The following CPS1 variants were observed in gnomAD, a reference collection of about 807,000 sequenced individuals.
CPS1 encodes the protein carbamoyl-phosphate synthase 1.
In CPS1, 109 loss-of-function variants were observed where a neutral mutation model predicts 174.6. The ratio of observed to expected loss-of-function variants is 0.62; its 90% CI spans 0.53 to 0.73. CPS1 has a LOEUF of 0.73. CPS1 is among the 30% of genes least tolerant of loss of function. The probability of loss-of-function intolerance (pLI) is 0.00; values close to 1 mark genes in which losing one functional copy is unlikely to be tolerated. For missense variants in CPS1, 1,689 were observed against 1,821.9 expected (o/e 0.93, Z 1.33); for synonymous variants, 637 against 632.0 (o/e 1.01, Z -0.12).
chr2:210,504,561 A>G (rs1307621393), intron 1 of CPS1, among the ~76,000 whole-genome samples: 2 of 152,216 alleles, frequency 1.3e-5, no homozygotes, highest in East Asian at 1.9e-4. Flanking sequence ...TTGCTGAGCC[A>G]AGCTCTGATT....
At chr2:210,536,171 G>A (rs922871935) in intron 1 of CPS1, among the ~76,000 whole-genome samples, 8 of 152,054 alleles carry the variant, frequency 5.3e-5, no homozygotes, top group Non-Finnish European at 1.2e-4. Flanking sequence ...TTAAGTTCCT[G>A]CAAAATGACT....
chr2:210,655,615 C>T (rs918373783), intron 29 of CPS1, among the ~76,000 whole-genome samples: 2 of 152,086 alleles, frequency 1.3e-5, no homozygotes, highest in South Asian at 4.1e-4. Flanking sequence ...TGAGCTCTTA[C>T]TTATATGTGG....
Position 210,558,781 on chromosome 2 carries a change from A to G in CPS1, c.126+1922A>G, listed in dbSNP as rs547266033. Among the ~76,000 whole-genome samples, 5 of 152,066 alleles carry G rather than the reference A, an allele frequency of 3.3e-5. No individual in the cohort carries two copies. The East Asian group carries it at 9.7e-4, about 29-fold the overall frequency. ...ATCACAACCACGACAAAATGGTCTA[A>G]TTATGTGGATGGATTACTGTGAAAG... On this transcript the variant is annotated intron_variant, in intron 1 of 37. Transcript: ENST00000233072.
At chr2:210,607,596 A>G (rs1698962911) in intron 18 of CPS1, among the ~76,000 whole-genome samples, 1 of 151,892 alleles carries the variant, frequency 6.6e-6, no homozygotes, top group African/African-American at 2.4e-5. Flanking sequence ...GTTCCACAGC[A>G]CTGCGTGGAG....
intron 1 of CPS1, among the ~76,000 whole-genome samples, chr2:210,503,707 A>G (rs946648998): frequency 1.3e-5 from 2 of 152,208 alleles, no homozygotes; most frequent in African/African-American, 4.8e-5. Flanking sequence ...CATTCAGGTT[A>G]CAATGGAAAA....
At chr2:210,504,926 T>C (rs1695237451) in intron 1 of CPS1, among the ~76,000 whole-genome samples, 3 of 152,112 alleles carry the variant, frequency 2.0e-5, no homozygotes, top group Admixed American at 2.0e-4. Flanking sequence ...CTACTTTTTT[T>C]TTCTGACTCA....
intron 1 of CPS1, among the ~76,000 whole-genome samples, chr2:210,492,919 G>A (rs116727693): frequency 0.012 from 1,865 of 152,028 alleles, 33 homozygotes; most frequent in African/African-American, 0.042. Flanking sequence ...AGAATATAGC[G>A]GCTGGGCTAA....
At chr2:210,579,409 C>G (rs1697833197) in intron 4 of CPS1, among the ~76,000 whole-genome samples, 1 of 152,116 alleles carries the variant, frequency 6.6e-6, no homozygotes, top group Non-Finnish European at 1.5e-5. Context: ...ATGAAGTTCA[C>G]CAATGTGATT....
At chr2:210,632,326 G>A (rs2105888893) in intron 21 of CPS1, among the ~76,000 whole-genome samples, 1 of 152,322 alleles carries the variant, frequency 6.6e-6, no homozygotes, top group Middle Eastern at 3.4e-3. Flanking sequence ...GTTTGCTTAA[G>A]ATTATGCATC....
At chr2:210,542,073 C>G (rs905695922) in intron 1 of CPS1, among the ~76,000 whole-genome samples, 30 of 152,072 alleles carry the variant, frequency 2.0e-4, no homozygotes, top group Non-Finnish European at 8.8e-5. Flanking sequence ...ATTCTTTGAG[C>G]ATTCTTTCTT....
At chr2:210,646,262 A>G (rs1216016853) in intron 25 of CPS1, among the ~76,000 whole-genome samples, 1 of 152,198 alleles carries the variant, frequency 6.6e-6, no homozygotes, top group Non-Finnish European at 1.5e-5. Flanking sequence ...ACCCAACATA[A>G]TAAGGAAATA....
intron 1 of CPS1, among the ~76,000 whole-genome samples, chr2:210,569,813 T>A (rs1697419633): frequency 1.3e-5 from 2 of 152,068 alleles, no homozygotes; most frequent in Admixed American, 1.3e-4. Flanking sequence ...TCTACAAGAA[T>A]ACACTCTTCT....
intron 1 of CPS1, among the ~76,000 whole-genome samples, chr2:210,508,314 T>C (rs938440705): frequency 1.9e-4 from 29 of 151,808 alleles, no homozygotes; most frequent in African/African-American, 6.8e-4. Context: ...GAAATAAAGA[T>C]GTTCTTTGAA....
chr2:210,639,211 G>C lies in CPS1; in HGVS notation c.2891G>C (p.Gly964Ala). Residue 964 changes from glycine to alanine, a missense_variant, in exon 23 of 38, where the codon GGT (glycine) becomes GCT (alanine). Gly to Ala is a moderately conservative substitution (Grantham distance 60). Transcript: ENST00000233072. ...AACTATCTCTATGTTACCTACAATG[G>C]TCAGGTAGGAATGGGCAAATTGGCC... ...VTNYLYVTYN[G>A]QEHDVNFDDH... The C allele has an allele frequency of 6.2e-7, 1 of 1,611,640 alleles. No homozygotes were observed. The highest frequency in any genetic ancestry group is 2.2e-5 in the East Asian group (1 of 44,860).
At chr2:210,588,177 G>T in intron 7 of CPS1, 30 bp downstream of exon 7, 1 of 1,586,224 alleles carries the variant, frequency 6.3e-7, no homozygotes, top group Non-Finnish European at 8.7e-7. Context: ...CAAAGGTGAG[G>T]GTTTGTCATA....
At chr2:210,479,329 CTT>C (rs11299389) in intron 1 of CPS1, among the ~76,000 whole-genome samples, 48 of 122,346 alleles carry the variant, frequency 3.9e-4, no homozygotes, top group Middle Eastern at 4.2e-3. Context: ...ATCATTCTTT[CTT>C]TTTTTTTTTT....
intron 1 of CPS1, among the ~76,000 whole-genome samples, chr2:210,486,093 CAT>C (rs201316107): frequency 0.049 from 6,453 of 131,826 alleles, 388 homozygotes; most frequent in African/African-American, 0.14. Flanking sequence ...TATATATATA[CAT>C]ATATATATAC....
At chr2:210,591,716 A>T in intron 9 of CPS1, 115 bp from the exon 10 acceptor site, 1 of 1,096,442 alleles carries the variant, frequency 9.1e-7, no homozygotes, top group Non-Finnish European at 1.3e-6. Flanking sequence ...TTCACTAAGC[A>T]ATTGAAATTT....
chr2:210,619,351 T>G (rs1252648514), intron 21 of CPS1: 4 of 152,068 alleles, frequency 2.6e-5, no homozygotes, highest in Non-Finnish European at 4.4e-5. Context: ...AGTTTTTTTG[T>G]GAAGCTTAAT....
Sources: gnomAD v4.1 joint callset for allele counts (sites outside exome capture counted in the v4.1 genomes callset) on GRCh38, gnomAD v4.1.1 for gene constraint, MANE v1.5 for transcripts, NCBI Gene and HGNC (gene_info 2026-07-23, HGNC 2026-07-21) for gene names.